Variants in LRMDA observed in about 807,000 individuals in gnomAD.
LRMDA encodes the protein leucine-rich melanocyte differentiation-associated protein.
A neutral mutation model predicts 29.8 loss-of-function variants in LRMDA; 18 were observed. The observed-to-expected ratio is 0.60, with a 90% CI of 0.42 to 0.90. The LOEUF is 0.90. LRMDA is among the 40% of genes least tolerant of loss of function. LRMDA has a pLI of 0.00. For missense variants in LRMDA, 273 were observed against 273.9 expected (o/e 1.00, Z 0.02); for synonymous variants, 125 against 109.4 (o/e 1.14, Z -0.89).
chr10:75,686,853 G>C (rs117337683), intron 2 of LRMDA, among the ~76,000 whole-genome samples: 1 of 152,142 alleles, frequency 6.6e-6, no homozygotes, highest in Non-Finnish European at 1.5e-5. Context: ...TGCTCGCTTC[G>C]TGGCTCTGTG....
chr10:76,220,733 T>C (rs1317716659), intron 5 of LRMDA, among the ~76,000 whole-genome samples: 1 of 151,962 alleles, frequency 6.6e-6, no homozygotes, highest in Non-Finnish European at 1.5e-5. Flanking sequence ...ACTATTCCAA[T>C]CAATAGAAAA....
chr10:75,763,948 A>G (rs1843128963), intron 2 of LRMDA, among the ~76,000 whole-genome samples: 1 of 152,156 alleles, frequency 6.6e-6, no homozygotes, highest in African/African-American at 2.4e-5. Context: ...CTGTTTGAAC[A>G]TTTAGACTAG....
chr10:75,546,824 C>T (rs567173457), intron 2 of LRMDA, among the ~76,000 whole-genome samples: 1 of 152,138 alleles, frequency 6.6e-6, no homozygotes, highest in Non-Finnish European at 1.5e-5. Flanking sequence ...TAGTGAATCT[C>T]TACATTTTTA....
rs535691094 is a variant in LRMDA at position 75,619,576 on chromosome 10, C to G, written c.131+181082C>G. ...TTGGGCTGAGACTGAGAGAAAAATACCCATGGTGTAGTGTTCATCTCCCAA... is the reference window on the plus strand; with the variant it reads ...TTGGGCTGAGACTGAGAGAAAAATAGCCATGGTGTAGTGTTCATCTCCCAA... On this transcript the variant is annotated intron_variant, in intron 2 of 6. Transcript: ENST00000611255. Among the ~76,000 whole-genome samples, 11 of 152,292 alleles carry G rather than the reference C, an allele frequency of 7.2e-5. No homozygotes were observed. In the East Asian group the frequency reaches 7.7e-4, roughly 11 times the overall value.
intron 5 of LRMDA, among the ~76,000 whole-genome samples, chr10:76,281,975 C>A (rs2132335228): frequency 6.6e-6 from 1 of 152,294 alleles, no homozygotes; most frequent in South Asian, 2.1e-4. Flanking sequence ...TAAATACACC[C>A]TTTCTGGGGA....
intron 2 of LRMDA, among the ~76,000 whole-genome samples, chr10:75,723,137 G>T (rs1282117589): frequency 1.3e-5 from 2 of 152,228 alleles, no homozygotes; most frequent in African/African-American, 4.8e-5. Context: ...TGTACCTTTG[G>T]CATGTGCCCC....
intron 2 of LRMDA, among the ~76,000 whole-genome samples, chr10:75,604,781 T>G (rs1840934929): frequency 6.6e-6 from 1 of 152,214 alleles, no homozygotes; most frequent in Non-Finnish European, 1.5e-5. Flanking sequence ...ACTCTCAGAC[T>G]GGTGTTACCT....
intron 5 of LRMDA, among the ~76,000 whole-genome samples, chr10:76,225,696 T>TTTATTTTA (rs1554856610): frequency 6.9e-6 from 1 of 144,990 alleles, no homozygotes; most frequent in Non-Finnish European, 1.5e-5. Flanking sequence ...GGGTAATTTA[T>TTTATTTTA]TTTATTTATT....
At chr10:76,527,544 T>C (rs1206413606) in intron 6 of LRMDA, among the ~76,000 whole-genome samples, 1 of 152,194 alleles carries the variant, frequency 6.6e-6, no homozygotes, top group Non-Finnish European at 1.5e-5. Flanking sequence ...TAGAATCACT[T>C]TGAATCTTTG....
At chr10:75,613,736 CAT>C (rs1469404819) in intron 2 of LRMDA, among the ~76,000 whole-genome samples, 2 of 152,180 alleles carry the variant, frequency 1.3e-5, no homozygotes, top group Non-Finnish European at 2.9e-5. Context: ...AAACCACTGA[CAT>C]ATGGATGTGA....
At chr10:75,764,928 C>CGTGT (rs57422251) in intron 2 of LRMDA, among the ~76,000 whole-genome samples, 3,689 of 142,810 alleles carry the variant, frequency 0.026, 75 homozygotes, top group East Asian at 0.074. Context: ...GCAAGAGACA[C>CGTGT]GTGTGTGTGT....
chr10:76,416,090 A>G (rs1467849904), intron 6 of LRMDA, among the ~76,000 whole-genome samples: 1 of 152,206 alleles, frequency 6.6e-6, no homozygotes, highest in East Asian at 1.9e-4. Flanking sequence ...AAATACTGAG[A>G]CTTAGGAAGA....
At chr10:75,565,872 T>C (rs1840365804) in intron 2 of LRMDA, among the ~76,000 whole-genome samples, 1 of 152,134 alleles carries the variant, frequency 6.6e-6, no homozygotes, top group Admixed American at 6.5e-5. Flanking sequence ...ACCAGGAGTT[T>C]AAGACCAGCC....
intron 2 of LRMDA, among the ~76,000 whole-genome samples, chr10:75,574,333 C>T (rs565057805): frequency 1.3e-4 from 20 of 152,168 alleles, no homozygotes; most frequent in African/African-American, 4.8e-4. Flanking sequence ...ATGTTTTATC[C>T]AGATTTCTTT....
chr10:75,691,432 T>C (rs748650983), intron 2 of LRMDA, among the ~76,000 whole-genome samples: 3 of 151,964 alleles, frequency 2.0e-5, no homozygotes, highest in Admixed American at 6.6e-5. Context: ...CAGAATCCTA[T>C]TACTTCTTGG....
At chr10:76,269,195 C>T (rs1840039185) in intron 5 of LRMDA, among the ~76,000 whole-genome samples, 1 of 152,104 alleles carries the variant, frequency 6.6e-6, no homozygotes, top group Admixed American at 6.5e-5. Context: ...CTGTGATGTG[C>T]TGCAGGTTAT....
intron 2 of LRMDA, among the ~76,000 whole-genome samples, chr10:75,788,292 C>T (rs944811058): frequency 6.6e-6 from 1 of 152,200 alleles, no homozygotes; most frequent in Non-Finnish European, 1.5e-5. Flanking sequence ...TGTTAGCTTC[C>T]TGAGGTCAAC....
chr10:76,046,889 A>G (rs182519216), intron 3 of LRMDA, among the ~76,000 whole-genome samples: 2 of 152,356 alleles, frequency 1.3e-5, no homozygotes, highest in Admixed American at 1.3e-4. Context: ...AAACAGAACT[A>G]TAGAGGAAAG....
intron 2 of LRMDA, among the ~76,000 whole-genome samples, chr10:75,632,079 C>A (rs1049964653): frequency 2.0e-5 from 3 of 152,214 alleles, no homozygotes; most frequent in African/African-American, 7.2e-5. Flanking sequence ...CTTTATACTT[C>A]TGCTCTTCTA....
Sources: gnomAD v4.1 joint callset for allele counts (sites outside exome capture counted in the v4.1 genomes callset) on GRCh38, gnomAD v4.1.1 for gene constraint, MANE v1.5 for transcripts, NCBI Gene and HGNC (gene_info 2026-07-23, HGNC 2026-07-21) for gene names.